The following ATF2 variants were observed in gnomAD, a reference collection of about 807,000 sequenced individuals.
ATF2 encodes the protein cyclic AMP-dependent transcription factor ATF-2.
Under a neutral mutation model 60.6 loss-of-function variants are expected in ATF2, and 24 were observed. The observed-to-expected ratio is 0.40, with a 90% CI of 0.29 to 0.56. ATF2 has a LOEUF of 0.56. Among genes scored for constraint, ATF2 ranks in the 20% least tolerant of loss-of-function variants. The probability of loss-of-function intolerance (pLI) is 0.54; values close to 1 mark genes in which losing one functional copy is unlikely to be tolerated. For missense variants in ATF2, 433 were observed against 607.7 expected (o/e 0.71, Z 3.02); for synonymous variants, 206 against 215.4 (o/e 0.96, Z 0.38).
At chr2:175,133,244 T>C (rs1392360891) in intron 3 of ATF2, among the ~76,000 whole-genome samples, 2 of 152,162 alleles carry the variant, frequency 1.3e-5, no homozygotes, top group East Asian at 3.8e-4. Flanking sequence ...CCAGATATCA[T>C]GACCCATTAT....
rs545438784 is a variant in ATF2 at position 175,136,438 on chromosome 2, T to G, written c.6A>C (p.Lys2Asn). The G allele has an allele frequency of 6.2e-7, 1 of 1,610,554 alleles. No individual in the cohort carries two copies. The highest frequency in any genetic ancestry group is 8.5e-7 in the Non-Finnish European group (1 of 1,178,412). The change falls in exon 3 of 14, where the codon AAA (lysine) becomes AAC (asparagine). Residue 2 changes from lysine (K) to asparagine (N), a missense_variant. Around this residue, in one of 5 missense-constraint regions of ATF2, gnomAD observed 20 missense variants for 16.9 expected, o/e 1.19. Transcript: ENST00000264110. ...TGGCAGAATTCACATGTAACTTGAA[T>G]TTCATAAGTTGAATAACTTATCACA... M[K>N]FKLHVNSARQ...
At chr2:175,088,972 G>A (rs559629371) in intron 12 of ATF2, among the ~76,000 whole-genome samples, 4 of 152,124 alleles carry the variant, frequency 2.6e-5, no homozygotes, top group African/African-American at 9.6e-5. Flanking sequence ...ACTTGAGGTC[G>A]GGAGTTCGAG....
intron 3 of ATF2, among the ~76,000 whole-genome samples, chr2:175,136,015 G>GTTTTTTTTTTTTTTTT (rs34199956): frequency 8.0e-6 from 1 of 124,942 alleles, no homozygotes; most frequent in Non-Finnish European, 1.7e-5. Context: ...TTCTTTCTTT[G>GTTTTTTTTTTTTTTTT]TTTTTTTTTT....
intron 6 of ATF2, 60 bp downstream of exon 6, chr2:175,118,191 T>C: frequency 6.3e-7 from 1 of 1,591,910 alleles, no homozygotes; most frequent in Non-Finnish European, 8.6e-7. Context: ...GCAGGAAGTA[T>C]AAACTATGAT....
chr2:175,091,556 C>T (rs948322682), intron 12 of ATF2, among the ~76,000 whole-genome samples: 6 of 152,044 alleles, frequency 3.9e-5, no homozygotes, highest in African/African-American at 1.4e-4. Flanking sequence ...CTGAAACATT[C>T]TGGATTAAAA....
intron 2 of ATF2, among the ~76,000 whole-genome samples, chr2:175,136,910 G>A (rs902664898): frequency 4.6e-5 from 7 of 150,998 alleles, no homozygotes; most frequent in African/African-American, 1.7e-4. Context: ...AAATTTATTT[G>A]TCCCACAATG....
intron 10 of ATF2, among the ~76,000 whole-genome samples, chr2:175,110,651 C>T (rs1199184233): frequency 6.6e-6 from 1 of 152,100 alleles, no homozygotes; most frequent in Non-Finnish European, 1.5e-5. Context: ...GTCACCCAGG[C>T]TGGAGTGCAA....
At chr2:175,116,340 A>AG (rs1696570033) in intron 7 of ATF2, among the ~76,000 whole-genome samples, 1 of 137,744 alleles carries the variant, frequency 7.3e-6, no homozygotes, top group East Asian at 2.0e-4. Context: ...TCAGTGTAAA[A>AG]GAAAGAAGAA....
At chr2:175,121,852 C>A (rs1191974948) in intron 4 of ATF2, among the ~76,000 whole-genome samples, 1 of 151,540 alleles carries the variant, frequency 6.6e-6, no homozygotes, top group East Asian at 1.9e-4. Context: ...AAAAATAGAC[C>A]ACCATTAATT....
chr2:175,104,475 G>T (rs191933900), intron 10 of ATF2, among the ~76,000 whole-genome samples: 3 of 152,140 alleles, frequency 2.0e-5, no homozygotes, highest in African/African-American at 7.2e-5. Context: ...GGTGGGGGGG[G>T]CGGTGCGCAA....
intron 1 of ATF2, among the ~76,000 whole-genome samples, chr2:175,156,382 A>AC (rs1406608963): frequency 1.6e-5 from 2 of 122,468 alleles, no homozygotes; most frequent in Non-Finnish European, 3.6e-5. Flanking sequence ...AAAAACAAAA[A>AC]AAAAAAAAAA....
chr2:175,144,741 G>T (rs760632358), intron 2 of ATF2, among the ~76,000 whole-genome samples: 4 of 152,126 alleles, frequency 2.6e-5, no homozygotes, highest in Non-Finnish European at 5.9e-5. Context: ...GTCTCAGAAG[G>T]ATAAGAAAAG....
intron 4 of ATF2, among the ~76,000 whole-genome samples, chr2:175,123,528 T>C (rs910524562): frequency 3.4e-4 from 52 of 152,190 alleles, no homozygotes; most frequent in African/African-American, 1.3e-3. Context: ...TTTTCTTTGC[T>C]TGGATTAGTT....
At position 175,074,976 on chromosome 2, in the gene ATF2, A is replaced by G. The variant is rs888007558; in HGVS notation, c.1292-141T>C. ...AAGTTGGTATTACAGCAATTGATAT[A>G]GGTCATGAAGTAGGCAATTTTACCT... On this transcript the variant is annotated intron_variant, in intron 13 of 13. Coordinates refer to ENST00000264110, the MANE Select transcript of ATF2 (RefSeq NM_001880.4). 4.0e-6 allele frequency: 6 copies of G among 1,512,684 alleles called. No homozygotes were observed. In the African/African-American group the frequency reaches 8.3e-5, roughly 21 times the overall value. 93.7% of individuals were successfully genotyped at this position (1,512,684 alleles called of 1,614,324 possible). A position where few individuals can be genotyped will look rare whatever the true frequency, so the allele number is the denominator to read the frequency against.
intron 2 of ATF2, among the ~76,000 whole-genome samples, chr2:175,137,986 T>G (rs1698252377): frequency 6.6e-6 from 1 of 152,190 alleles, no homozygotes; most frequent in Non-Finnish European, 1.5e-5. Context: ...TCCTTTTTAT[T>G]GCAGTGTTGC....
intron 4 of ATF2, chr2:175,126,849 G>C (rs1243972567): frequency 2.6e-5 from 4 of 152,126 alleles, no homozygotes; most frequent in Admixed American, 1.3e-4. Flanking sequence ...AGGGATTACA[G>C]AATCAAGTTG....
rs1265452449 is a variant in ATF2, at chr2:175,109,162, GATCA to G, written c.828+2402_828+2405del. 6.7e-5 allele frequency among the ~76,000 whole-genome samples: 3 copies of G among 44,650 alleles called. No individual in the cohort carries two copies. In the East Asian group the frequency reaches 2.4e-3, roughly 35 times the overall value. The allele number at this position is 44,650 out of a possible 152,430, so 29.3% of individuals were successfully genotyped here. Reference sequence around the variant, plus strand: ...CCCTCTGTGAGAAACACCCAAGAATGATCAATAAAAAAAAAAAAAAAAAAAAAAA... The same window carrying G: ...CCCTCTGTGAGAAACACCCAAGAATGATAAAAAAAAAAAAAAAAAAAAAAA... On this transcript the variant is annotated intron_variant, in intron 10 of 13. Transcript: ENST00000264110.
chr2:175,130,296 ATTAAC>A (rs1697638271), intron 3 of ATF2, 89 bp from the exon 4 acceptor site: 3 of 828,842 alleles, frequency 3.6e-6, no homozygotes, highest in Non-Finnish European at 5.2e-6. Context: ...CATTAAGCTT[ATTAAC>A]TTTTCTATTT....
At chr2:175,106,382 C>T (rs1466294864) in intron 10 of ATF2, among the ~76,000 whole-genome samples, 1 of 150,202 alleles carries the variant, frequency 6.7e-6, no homozygotes, top group African/African-American at 2.5e-5. Context: ...CAAAAATTAG[C>T]TGGGTGTGGT....
Sources: allele counts gnomAD v4.1 joint callset (sites outside exome capture counted in the v4.1 genomes callset), GRCh38; gene constraint gnomAD v4.1.1; regional missense constraint gnomAD v4.1.1; transcripts MANE v1.5; gene names NCBI Gene and HGNC (gene_info 2026-07-23, HGNC 2026-07-21).